TET3: variants seen among roughly 807,000 people sequenced by gnomAD.
The protein encoded by TET3 is tet methylcytosine dioxygenase 3.
In TET3, 19 loss-of-function variants were observed where a neutral mutation model predicts 141.4. The ratio of observed to expected loss-of-function variants is 0.13; its 90% CI spans 0.09 to 0.20. The LOEUF (loss-of-function observed/expected upper bound fraction) is 0.20. Ranked by LOEUF, TET3 falls within the 10% of genes least tolerant of loss-of-function variation. TET3 has a pLI of 1.00. For synonymous variants in TET3, 1,043 were observed against 980.9 expected (o/e 1.06, Z -1.18); for missense variants, 1,874 against 2,356.9 (o/e 0.80, Z 4.24).
Position 74,100,527 on chromosome 2 carries a change from C to T in TET3, c.3739C>T (p.Arg1247Trp), listed in dbSNP as rs761296010. The change falls in exon 12 of 12, where the codon CGG becomes TGG. Residue 1247 changes from arginine to tryptophan, a missense_variant. Arg to Trp is a moderately radical substitution (Grantham distance 101). Around this residue, in one of 10 missense-constraint regions of TET3, gnomAD observed 602 missense variants for 590.2 expected, o/e 1.02. Coordinates refer to ENST00000409262, the MANE Select transcript of TET3 (RefSeq NM_001287491.2). ...GAGCTACTCGGTGCTGGGCAACTGC[C>T]GGCCCTCCGACCCTTACAGCATGAA... ...VESYSVLGNCRPSDPYSMNSV... is the reference protein window; with the variant it reads ...VESYSVLGNCWPSDPYSMNSV... The T allele has an allele frequency of 7.5e-6, 12 of 1,609,896 alleles. No individual in the cohort carries two copies. The highest frequency in any genetic ancestry group is 1.3e-5 in the African/African-American group (1 of 74,852).
At chr2:74,002,608 C>A (rs1337341273) in intron 2 of TET3, 1 of 343,502 alleles carries the variant, frequency 2.9e-6, no homozygotes, top group South Asian at 1.5e-4. Flanking sequence ...GCAGGTCCAC[C>A]AGGCGGGGGC....
At chr2:74,094,528 G>A (rs917445405) in intron 10 of TET3, among the ~76,000 whole-genome samples, 2 of 152,206 alleles carry the variant, frequency 1.3e-5, no homozygotes, top group African/African-American at 4.8e-5. Context: ...ACGCACTCCT[G>A]CTGCTGCAGT....
At chr2:74,119,151 G>A in the TET3 span, among the ~76,000 whole-genome samples, 1 of 152,092 alleles carries the variant, frequency 6.6e-6, no homozygotes, top group Admixed American at 6.6e-5. Flanking sequence ...TCAGGAGTTT[G>A]AGACCACCCT....
intron 4 of TET3, among the ~76,000 whole-genome samples, chr2:74,062,817 C>G (rs966674547): frequency 1.3e-5 from 2 of 150,868 alleles, no homozygotes; most frequent in African/African-American, 4.9e-5. Flanking sequence ...AACCTTGTTT[C>G]ACTGTGAGAA....
At chr2:74,070,587 C>A (rs941172283) in intron 4 of TET3, among the ~76,000 whole-genome samples, 2 of 152,268 alleles carry the variant, frequency 1.3e-5, no homozygotes, top group South Asian at 4.2e-4. Context: ...ATTTTCATTG[C>A]GGAATATATT....
chr2:74,084,538 C>T (rs985424970), intron 6 of TET3, among the ~76,000 whole-genome samples: 2 of 151,940 alleles, frequency 1.3e-5, no homozygotes, highest in Admixed American at 6.6e-5. Context: ...CTGCAAGCTC[C>T]GCCTCCTGGG....
intron 3 of TET3, among the ~76,000 whole-genome samples, chr2:74,019,333 C>CTAGA (rs1255308981): frequency 1.3e-5 from 2 of 152,204 alleles, no homozygotes; most frequent in African/African-American, 2.4e-5. Flanking sequence ...AAGTTTCTTC[C>CTAGA]TAGATATGCT....
chr2:74,010,436 G>A (rs1284591286), intron 3 of TET3, among the ~76,000 whole-genome samples: 2 of 152,214 alleles, frequency 1.3e-5, no homozygotes, highest in African/African-American at 2.4e-5. Context: ...AGCCACCACC[G>A]GCACAGGCAG....
chr2:74,065,624 T>G lies in TET3; in HGVS notation c.2495-7925T>G, dbSNP rs149334519. 4.8e-3 allele frequency among the ~76,000 whole-genome samples: 702 copies of G among 147,184 alleles called. 4 individuals are homozygous for G. The highest frequency in any genetic ancestry group is 0.034 in the South Asian group (150 of 4,440). ...CTTCCGTCCGTCCGTCCGTCCGTCC[T>G]TCCTTCCTTCCTTCTCTTTCTCTCT... On this transcript the variant is annotated intron_variant, in intron 4 of 11. Coordinates refer to ENST00000409262, the MANE Select transcript of TET3 (RefSeq NM_001287491.2).
downstream of TET3, among the ~76,000 whole-genome samples, chr2:74,110,492 A>C (rs1292217376): frequency 6.6e-6 from 1 of 152,080 alleles, no homozygotes; most frequent in Non-Finnish European, 1.5e-5. Flanking sequence ...CCATACATAC[A>C]TCATGTCCCT....
chr2:74,073,414 T>C, intron 4 of TET3, 135 bp from the exon 5 acceptor site: 1 of 569,168 alleles, frequency 1.8e-6, no homozygotes, highest in Admixed American at 3.4e-5. Flanking sequence ...TTGAACACCT[T>C]TTCACATGTT....
At chr2:74,128,373 C>T in the TET3 span, among the ~76,000 whole-genome samples, 1 of 152,040 alleles carries the variant, frequency 6.6e-6, no homozygotes, top group Non-Finnish European at 1.5e-5. Flanking sequence ...CTAAGGCTTA[C>T]CAAAAATAAG....
chr2:74,011,412 A>T (rs1472933572), intron 3 of TET3, among the ~76,000 whole-genome samples: 1 of 152,204 alleles, frequency 6.6e-6, no homozygotes, highest in Non-Finnish European at 1.5e-5. Flanking sequence ...GACAAAGGTC[A>T]GGCCAGGCCA....
At chr2:73,984,267 G>T (rs1156568388), upstream of TET3, among the ~76,000 whole-genome samples, 1 of 152,246 alleles carries the variant, frequency 6.6e-6, no homozygotes, top group Non-Finnish European at 1.5e-5. This position sits in a 1 kb window ranked among gnomAD's most constrained non-coding sequence, Gnocchi z 5.6. Context: ...CGGCGCGGGG[G>T]AGGCTGGTGA....
chr2:74,015,269 G>GGT (rs1275708031), intron 3 of TET3, among the ~76,000 whole-genome samples: 1 of 152,168 alleles, frequency 6.6e-6, no homozygotes, highest in Middle Eastern at 3.2e-3. Flanking sequence ...AGAAACCAAT[G>GGT]GTAGCGGATT....
At chr2:74,119,543 A>G in the TET3 span, among the ~76,000 whole-genome samples, 2 of 152,098 alleles carry the variant, frequency 1.3e-5, no homozygotes, top group Non-Finnish European at 2.9e-5. Context: ...AGTTTGTCCT[A>G]TTACTGGAAA....
At chr2:74,117,964 T>C in the TET3 span, among the ~76,000 whole-genome samples, 1 of 152,142 alleles carries the variant, frequency 6.6e-6, no homozygotes, top group South Asian at 2.1e-4. Context: ...CAGGCTGGTC[T>C]CGAACTCCTG....
At chr2:74,113,946 A>C in the TET3 span, among the ~76,000 whole-genome samples, 9 of 152,216 alleles carry the variant, frequency 5.9e-5, no homozygotes, top group African/African-American at 2.2e-4. Flanking sequence ...AGAAATAGAA[A>C]AAAAAATCCT....
the TET3 span, among the ~76,000 whole-genome samples, chr2:74,129,297 C>G: frequency 1.0e-5 from 1 of 96,356 alleles, no homozygotes; most frequent in Non-Finnish European, 1.9e-5. Context: ...GCCTGGACAA[C>G]AAGAGTGAAA....
Sources: allele counts gnomAD v4.1 joint callset (sites outside exome capture counted in the v4.1 genomes callset), GRCh38; gene constraint gnomAD v4.1.1; regional missense constraint gnomAD v4.1.1; non-coding constraint Gnocchi (gnomAD v3.1); transcripts MANE v1.5; gene names NCBI Gene and HGNC (gene_info 2026-07-23, HGNC 2026-07-21).